Variants in TMOD1 observed in about 807,000 individuals in gnomAD.
TMOD1 encodes the protein tropomodulin-1.
TMOD1 carries 17 observed loss-of-function variants against 40.6 expected under a neutral mutation model. That is an observed-to-expected ratio of 0.42 (90% CI 0.29 to 0.63). The LOEUF (loss-of-function observed/expected upper bound fraction) is 0.63. TMOD1 is among the 20% of genes least tolerant of loss of function. The pLI is 0.22. For missense variants in TMOD1, 391 were observed against 447.6 expected, an observed-to-expected ratio of 0.87 and a Z score of 1.14; for synonymous variants, 181 against 175.0, an observed-to-expected ratio of 1.03 and a Z score of -0.27.
At chr9:97,598,563 C>T (rs1006651431) in intron 9 of TMOD1, among the ~76,000 whole-genome samples, 16 of 152,188 alleles carry the variant, frequency 1.1e-4, no homozygotes, top group African/African-American at 3.6e-4. Flanking sequence ...TCTTTGGTCA[C>T]GTTGAGCAAA....
At chr9:97,505,464 G>A (rs556048193) in intron 1 of TMOD1, among the ~76,000 whole-genome samples, 20 of 152,278 alleles carry the variant, frequency 1.3e-4, no homozygotes, top group Non-Finnish European at 2.4e-4. Flanking sequence ...TGACCACTGC[G>A]TTGTTGCTCT....
chr9:97,536,836 G>T (rs1345781853), intron 2 of TMOD1, among the ~76,000 whole-genome samples: 3 of 152,204 alleles, frequency 2.0e-5, no homozygotes, highest in Non-Finnish European at 1.5e-5. Context: ...GACCGCCAGA[G>T]CCCAGACCCA....
At chr9:97,535,676 G>C (rs1830170103) in intron 2 of TMOD1, among the ~76,000 whole-genome samples, 1 of 152,258 alleles carries the variant, frequency 6.6e-6, no homozygotes, top group African/African-American at 2.4e-5. Flanking sequence ...TTTGGAGAAA[G>C]CCAGGGAGGG....
intron 1 of TMOD1, chr9:97,516,566 G>C (rs561305050): frequency 6.6e-6 from 1 of 152,512 alleles, no homozygotes; most frequent in African/African-American, 2.4e-5. Flanking sequence ...TTTTCACCAA[G>C]ATCATTTGGA....
intron 2 of TMOD1, among the ~76,000 whole-genome samples, chr9:97,533,309 A>G (rs1454929970): frequency 6.6e-6 from 1 of 152,246 alleles, no homozygotes; most frequent in Non-Finnish European, 1.5e-5. Flanking sequence ...AAAAGCACCT[A>G]GCCCAGTGCC....
At chr9:97,515,767 C>G (rs973190906) in intron 1 of TMOD1, among the ~76,000 whole-genome samples, 1 of 152,054 alleles carries the variant, frequency 6.6e-6, no homozygotes, top group Non-Finnish European at 1.5e-5. Flanking sequence ...GGTTTGGAAT[C>G]AAGACATTGG....
chr9:97,562,687 T>G, intron 4 of TMOD1, 45 bp from the exon 5 acceptor site: 1 of 1,431,830 alleles, frequency 7.0e-7, no homozygotes, highest in Non-Finnish European at 9.3e-7. Context: ...AGGAGGCTCT[T>G]CTGTCTGCAG....
intron 1 of TMOD1, among the ~76,000 whole-genome samples, chr9:97,506,064 C>A (rs1829585784): frequency 6.9e-6 from 1 of 145,272 alleles, no homozygotes; most frequent in African/African-American, 2.6e-5. Context: ...TACCTTCTGG[C>A]CATGGCAAAA....
intron 8 of TMOD1, among the ~76,000 whole-genome samples, chr9:97,583,873 C>T (rs1275156137): frequency 1.1e-4 from 16 of 147,582 alleles, no homozygotes; most frequent in Admixed American, 2.7e-4. Flanking sequence ...TTTATTGCGT[C>T]TATTTGATTC....
chr9:97,537,496 A>T (rs962618794), intron 2 of TMOD1, among the ~76,000 whole-genome samples: 1 of 152,188 alleles, frequency 6.6e-6, no homozygotes, highest in Non-Finnish European at 1.5e-5. Flanking sequence ...AGGGTGTTAG[A>T]GCTCCTAACA....
chr9:97,531,533 C>T (rs1300324738), intron 2 of TMOD1, among the ~76,000 whole-genome samples: 2 of 152,086 alleles, frequency 1.3e-5, no homozygotes, highest in Non-Finnish European at 2.9e-5. Flanking sequence ...ATTGTTCGGA[C>T]CTGGGAGGCG....
intron 4 of TMOD1, among the ~76,000 whole-genome samples, chr9:97,554,053 G>A (rs1223245606): frequency 6.6e-6 from 1 of 152,098 alleles, no homozygotes; most frequent in African/African-American, 2.4e-5. Context: ...CCACAGGAAG[G>A]TCAGGCTCTG....
At chr9:97,589,367 G>T (rs372326392) in intron 8 of TMOD1, among the ~76,000 whole-genome samples, 119 of 142,700 alleles carry the variant, frequency 8.3e-4, no homozygotes, top group African/African-American at 2.9e-3. Context: ...TGCAACCTCT[G>T]CCTCCCGGGT....
At chr9:97,532,654 A>G (rs1035693731) in intron 2 of TMOD1, among the ~76,000 whole-genome samples, 5 of 152,164 alleles carry the variant, frequency 3.3e-5, no homozygotes, top group Non-Finnish European at 5.9e-5. Flanking sequence ...ATAAAATTTA[A>G]ACCCTGCCTT....
intron 1 of TMOD1, among the ~76,000 whole-genome samples, chr9:97,508,059 A>T (rs191392366): frequency 0.01 from 148 of 14,296 alleles, no homozygotes; most frequent in East Asian, 0.064. Context: ...TTCCTGATTC[A>T]CACACACACA....
chr9:97,530,237 A>G (rs1239034341), intron 2 of TMOD1, among the ~76,000 whole-genome samples: 1 of 152,230 alleles, frequency 6.6e-6, no homozygotes, highest in African/African-American at 2.4e-5. Context: ...TTAACTGTAA[A>G]TATTGATTGT....
intron 2 of TMOD1, among the ~76,000 whole-genome samples, chr9:97,540,957 G>A (rs931089219): frequency 7.2e-5 from 11 of 152,092 alleles, no homozygotes; most frequent in Non-Finnish European, 1.5e-4. Context: ...ATTCCTACCA[G>A]CAGTGTATGA....
At chr9:97,595,641 T>C (rs144234042) in intron 9 of TMOD1, among the ~76,000 whole-genome samples, 2 of 152,218 alleles carry the variant, frequency 1.3e-5, no homozygotes, top group African/African-American at 4.8e-5. Flanking sequence ...GTTGATTCCT[T>C]ATTTTGGGTA....
At position 97,527,607 on chromosome 9, in the gene TMOD1, A is replaced by T. The variant is rs191113126; in HGVS notation, c.120+3299A>T. Reference sequence around the variant, plus strand: ...CTTAGTGTGGTTTCTGTGGAGGGTCAGATGCGACTAGAAAGAGGGGTTGGG... The same window carrying T: ...CTTAGTGTGGTTTCTGTGGAGGGTCTGATGCGACTAGAAAGAGGGGTTGGG... On this transcript the variant is annotated intron_variant, in intron 2 of 9. Coordinates refer to ENST00000259365, the MANE Select transcript of TMOD1 (RefSeq NM_003275.4). 9.9e-5 allele frequency among the ~76,000 whole-genome samples: 15 copies of T among 151,858 alleles called. No homozygotes were observed. The East Asian group carries it at 2.9e-3, about 29-fold the overall frequency.
Sources: allele counts gnomAD v4.1 joint callset (sites outside exome capture counted in the v4.1 genomes callset), GRCh38; gene constraint gnomAD v4.1.1; transcripts MANE v1.5; gene names NCBI Gene and HGNC (gene_info 2026-07-23, HGNC 2026-07-21).